GABRA4: variants seen among roughly 807,000 people sequenced by gnomAD.
GABRA4 encodes the protein gamma-aminobutyric acid type A receptor subunit alpha4.
GABRA4 carries 12 observed loss-of-function variants against 49.7 expected under a neutral mutation model. The observed-to-expected ratio is 0.24, with a 90% CI of 0.15 to 0.39. The LOEUF is 0.39. GABRA4 is among the 10% of genes least tolerant of loss of function. The probability of loss-of-function intolerance (pLI) is 1.00; values close to 1 mark genes in which losing one functional copy is unlikely to be tolerated. For missense variants in GABRA4, 506 were observed against 686.0 expected (o/e 0.74, Z 2.93); for synonymous variants, 288 against 240.2 (o/e 1.20, Z -1.84).
chr4:46,951,786 ATGTGTG>A (rs1722180351), intron 8 of GABRA4, among the ~76,000 whole-genome samples: 1 of 120,914 alleles, frequency 8.3e-6, no homozygotes, highest in Admixed American at 9.5e-5. Context: ...GTGTATATAT[ATGTGTG>A]TACGTGTGTG....
chr4:46,987,588 C>T (rs1348341721), intron 2 of GABRA4, among the ~76,000 whole-genome samples: 3 of 152,052 alleles, frequency 2.0e-5, no homozygotes, highest in Non-Finnish European at 4.4e-5. Context: ...TTTTACTTCT[C>T]TCTCTTTTTT....
At chr4:46,979,569 T>C (rs1188507382) in intron 2 of GABRA4, among the ~76,000 whole-genome samples, 1 of 152,038 alleles carries the variant, frequency 6.6e-6, no homozygotes, top group Non-Finnish European at 1.5e-5. Context: ...TTAAAAATGA[T>C]TCATGTCACC....
chr4:46,927,938 C>A lies in GABRA4; in HGVS notation c.*287G>T. ...TCAAATATCAATGAAAAAATATGCG[C>A]CACTTGTCTCTAATAGCTCTATTTC... is the stretch of plus-strand genomic sequence containing the variant. On this transcript the variant is annotated 3_prime_UTR_variant, in exon 9 of 9. Transcript: ENST00000264318. 1 of 233,318 alleles carries A rather than the reference C, an allele frequency of 4.3e-6. No homozygotes were observed. The highest frequency in any genetic ancestry group is 5.1e-5 in the Admixed American group (1 of 19,442). 14.5% of individuals were successfully genotyped at this position (233,318 alleles called of 1,614,324 possible).
intron 2 of GABRA4, among the ~76,000 whole-genome samples, chr4:46,984,518 A>G (rs1439121941): frequency 1.3e-5 from 2 of 152,066 alleles, no homozygotes; most frequent in African/African-American, 4.8e-5. Flanking sequence ...AGTGCCTCCC[A>G]TGTCATATAA....
chr4:46,952,010 T>C (rs1357505182), intron 8 of GABRA4, among the ~76,000 whole-genome samples: 1 of 152,012 alleles, frequency 6.6e-6, no homozygotes, highest in Non-Finnish European at 1.5e-5. Flanking sequence ...ATTAAAAGTA[T>C]TTATTTTTTA....
At chr4:46,936,857 G>A (rs932077549) in intron 8 of GABRA4, among the ~76,000 whole-genome samples, 6 of 152,086 alleles carry the variant, frequency 3.9e-5, no homozygotes, top group Non-Finnish European at 8.8e-5. Flanking sequence ...GTAGTCAAAA[G>A]GACTTTCTTC....
In GABRA4 at chr4:46,979,126, A is replaced by G. The variant is rs985763310; in HGVS notation, c.206-28T>C. ...AACGGGTATGAAGTAAATAAGTGTG[A>G]AAAAATAATTACCAATTTTACAGGC... On this transcript the variant is annotated intron_variant, in intron 2 of 8. Coordinates refer to ENST00000264318, the MANE Select transcript of GABRA4 (RefSeq NM_000809.4). 7 of 1,414,224 alleles carry G rather than the reference A, an allele frequency of 4.9e-6. No homozygotes were observed. The Middle Eastern group carries it at 5.3e-4, about 108-fold the overall frequency. 87.6% of individuals were successfully genotyped at this position (1,414,224 alleles called of 1,614,324 possible).
rs1387110501 is a variant in GABRA4 at position 46,924,815 on chromosome 4, A to T, written c.*3410T>A. On this transcript the variant is annotated 3_prime_UTR_variant, in exon 9 of 9. Transcript: ENST00000264318. Reference sequence around the variant, plus strand: ...TATGCTTGTATTTACTATGAGAATCAGAGAGTATTAAAACTGAAAAGCTCT... The same window carrying T: ...TATGCTTGTATTTACTATGAGAATCTGAGAGTATTAAAACTGAAAAGCTCT... 3 of 152,028 alleles carry T rather than the reference A, an allele frequency of 2.0e-5. No individual in the cohort carries two copies. The highest frequency in any genetic ancestry group is 4.4e-5 in the Non-Finnish European group (3 of 67,934). 9.4% of individuals were successfully genotyped at this position (152,028 alleles called of 1,614,324 possible).
At chr4:46,971,379 T>C (rs2109385417) in intron 6 of GABRA4, 144 bp from the exon 7 acceptor site, 3 of 708,556 alleles carry the variant, frequency 4.2e-6, no homozygotes, top group East Asian at 5.4e-5. Context: ...TCAATAAGTA[T>C]GTAGTTTCCT....
At chr4:46,948,286 TC>T (rs1560468150) in intron 8 of GABRA4, among the ~76,000 whole-genome samples, 1 of 152,060 alleles carries the variant, frequency 6.6e-6, no homozygotes, top group African/African-American at 2.4e-5. Context: ...GATTTGTTTA[TC>T]CTTTGGAAAC....
rs749423811 is a variant in GABRA4 at position 46,965,087 on chromosome 4, A to G, written c.1017T>C (p.Ala339=). 1.2e-6 allele frequency: 2 copies of G among 1,612,192 alleles called. No individual in the cohort carries two copies. The highest frequency in any genetic ancestry group is 3.3e-5 in the Admixed American group (2 of 59,762). The change falls in exon 8 of 9, where the codon GCT becomes GCC. Residue 339 remains alanine (A), a synonymous_variant. Transcript: ENST00000264318. ...TTTGAATATTGGTGAAATAGTTGAC[A>G]GCAGCAAACTCGATAAGGGCCGAAA... The part of the protein sequence containing the change: ...FVFSALIEFA[A]VNYFTNIQME...
At chr4:46,929,527 T>C (rs1721353848) in intron 8 of GABRA4, among the ~76,000 whole-genome samples, 1 of 152,082 alleles carries the variant, frequency 6.6e-6, no homozygotes, top group Non-Finnish European at 1.5e-5. Context: ...TTCAGCAAAT[T>C]ATTTTGTTTG....
intron 8 of GABRA4, among the ~76,000 whole-genome samples, chr4:46,941,918 G>C (rs1157758847): frequency 6.6e-6 from 1 of 152,114 alleles, no homozygotes; most frequent in Non-Finnish European, 1.5e-5. Context: ...CAAGAATCCT[G>C]TGGATATTAT....
At chr4:46,947,275 C>T (rs1241799384) in intron 8 of GABRA4, among the ~76,000 whole-genome samples, 5 of 151,936 alleles carry the variant, frequency 3.3e-5, no homozygotes, top group Non-Finnish European at 5.9e-5. Flanking sequence ...TACCCCATTC[C>T]CCTAAGGCAC....
rs182087659 is a variant in GABRA4 at position 46,969,527 on chromosome 4, A to G, written c.874+1556T>C. 6.4e-4 allele frequency among the ~76,000 whole-genome samples: 97 copies of G among 151,672 alleles called. 1 individual carries two copies. Among genetic ancestry groups the G allele is most frequent in the Admixed American group, 2.0e-3 (30 of 15,170 alleles). On this transcript the variant is annotated intron_variant, in intron 7 of 8. Coordinates refer to ENST00000264318, the MANE Select transcript of GABRA4 (RefSeq NM_000809.4). ...AGTTAGCAGAGCATCCAATAGTACA[A>G]CACTAGAAAGTTATGCTTTCTTTAA...
Position 46,977,465 on chromosome 4 carries a change from C to T in GABRA4, c.439G>A (p.Ala147Thr), listed in dbSNP as rs1276916016. The change falls in exon 4 of 9, where the codon GCT (alanine) becomes ACT (threonine). Residue 147 changes from alanine (A) to threonine (T), a missense_variant. Around this residue, in one of 5 missense-constraint regions of GABRA4, gnomAD observed 195 missense variants for 326.0 expected, o/e 0.60. Transcript: ENST00000264318. Reference protein sequence around the residue: ...GKKSVSHNMTAPNKLFRIMRN... With the variant: ...GKKSVSHNMTTPNKLFRIMRN... ...ATAATTCTAAAAAGCTTATTTGGAG[C>T]TGTCATATTATGTGAGACAGATTTC... is the stretch of plus-strand genomic sequence containing the variant. The T allele has an allele frequency of 1.9e-6, 3 of 1,609,652 alleles. No individual in the cohort carries two copies. Among genetic ancestry groups the T allele is most frequent in the Non-Finnish European group, 2.5e-6 (3 of 1,176,880 alleles).
At chr4:46,935,567 A>G (rs1376080994) in intron 8 of GABRA4, among the ~76,000 whole-genome samples, 2 of 152,140 alleles carry the variant, frequency 1.3e-5, no homozygotes, top group African/African-American at 2.4e-5. Flanking sequence ...ATAATTACCA[A>G]AGCAAATGAT....
chr4:46,952,841 T>A (rs1005140609), intron 8 of GABRA4, among the ~76,000 whole-genome samples: 1 of 152,072 alleles, frequency 6.6e-6, no homozygotes, highest in African/African-American at 2.4e-5. Context: ...AAAAAAAAGA[T>A]TATAAAATAA....
At chr4:46,952,058 CAG>C (rs1324960785) in intron 8 of GABRA4, among the ~76,000 whole-genome samples, 1 of 151,966 alleles carries the variant, frequency 6.6e-6, no homozygotes, top group Non-Finnish European at 1.5e-5. Flanking sequence ...AAAAGAGAGA[CAG>C]AGAGTCTGAG....
Sources: allele counts gnomAD v4.1 joint callset (sites outside exome capture counted in the v4.1 genomes callset), GRCh38; gene constraint gnomAD v4.1.1; regional missense constraint gnomAD v4.1.1; transcripts MANE v1.5; gene names NCBI Gene and HGNC (gene_info 2026-07-23, HGNC 2026-07-21).